DNA2: variants seen among roughly 807,000 people sequenced by gnomAD.
The protein encoded by DNA2 is DNA replication ATP-dependent helicase/nuclease DNA2.
In DNA2, 101 loss-of-function variants were observed where a neutral mutation model predicts 119.1. That is an observed-to-expected ratio of 0.85 (90% CI 0.72 to 1.00). DNA2 has a LOEUF of 1.00. Among genes scored for constraint, DNA2 ranks in the 50% least tolerant of loss-of-function variants. The pLI, the probability that DNA2 is intolerant of heterozygous loss-of-function variation, is 0.00. For missense variants in DNA2, 1,121 were observed against 1,255.5 expected (o/e 0.89, Z 1.62); for synonymous variants, 366 against 424.4 (o/e 0.86, Z 1.69).
chr10:68,415,660 TTTTTGTTTTG>T (rs988781259), intron 20 of DNA2, among the ~76,000 whole-genome samples: 42 of 152,140 alleles, frequency 2.8e-4, no homozygotes, highest in Admixed American at 1.4e-3. Context: ...TACACTGTTT[TTTTTGTTTTG>T]TTTTGTTTTG....
intron 1 of DNA2, 83 bp downstream of exon 1, chr10:68,471,708 T>G: frequency 6.8e-7 from 1 of 1,461,218 alleles, no homozygotes; most frequent in South Asian, 1.4e-5. Context: ...CCGGTCAGTC[T>G]GAGGCGGTGC....
intron 4 of DNA2, among the ~76,000 whole-genome samples, chr10:68,460,030 T>C (rs200717385): frequency 1.4e-5 from 2 of 145,598 alleles, no homozygotes; most frequent in African/African-American, 2.5e-5. Context: ...CCATCACAAA[T>C]ACACACACAC....
intron 5 of DNA2, 150 bp from the exon 6 acceptor site, chr10:68,450,397 G>A: frequency 1.5e-6 from 1 of 651,182 alleles, no homozygotes; most frequent in South Asian, 2.0e-5. Context: ...CTTGGTCCCT[G>A]GACCAGTAGC....
Position 68,469,771 on chromosome 10 carries a change from A to C in DNA2, c.257+210T>G, listed in dbSNP as rs1022229357. On this transcript the variant is annotated intron_variant, in intron 2 of 20. Transcript: ENST00000358410. The stretch of plus-strand genomic sequence containing the variant: ...TGAGCCACCATGCCTGGCCCACGTG[A>C]TTTTCAAATGACAACAAAAGTCAAT... Among the ~76,000 whole-genome samples, 7 of 152,122 alleles carry C rather than the reference A, an allele frequency of 4.6e-5. No individual in the cohort carries two copies. In the East Asian group the frequency reaches 1.4e-3, roughly 29 times the overall value.
chr10:68,442,871 C>T lies in DNA2; in HGVS notation c.1415+46G>A, dbSNP rs769472552. Reference sequence around the variant, plus strand: ...TAAATTCCAAAGGCCACCTCATTCACTAATCCAAACTACTGAAATCTTACT... The same window carrying T: ...TAAATTCCAAAGGCCACCTCATTCATTAATCCAAACTACTGAAATCTTACT... On this transcript the variant is annotated intron_variant, in intron 9 of 20. Transcript: ENST00000358410. 2.7e-6 allele frequency: 4 copies of T among 1,491,558 alleles called. No individual in the cohort carries two copies. In the Admixed American group the frequency reaches 8.8e-5, roughly 33 times the overall value. 92.4% of individuals were successfully genotyped at this position (1,491,558 alleles called of 1,614,324 possible).
intron 3 of DNA2, among the ~76,000 whole-genome samples, chr10:68,466,761 AAT>A (rs1485141884): frequency 2.0e-5 from 3 of 151,842 alleles, no homozygotes; most frequent in African/African-American, 7.3e-5. Context: ...TTGTATTTTT[AAT>A]AGAGATGGGG....
In DNA2 at chr10:68,419,108, T is replaced by A. The variant is rs765689707; in HGVS notation, c.2893A>T (p.Thr965Ser). The stretch of plus-strand genomic sequence containing the variant: ...TCCCTTCCTTGGTATTTGTCTACTG[T>A]ATTAACTTCGACCATCCCAATAGAA... The part of the protein sequence containing the change: ...ARSIGMVEVN[T>S]VDKYQGRDKS... The change falls in exon 19 of 21, where the codon ACA becomes TCA. Residue 965 changes from threonine (T) to serine (S), a missense_variant. Thr to Ser is a moderately conservative substitution (Grantham distance 58, BLOSUM62 1). Coordinates refer to ENST00000358410, the MANE Select transcript of DNA2 (RefSeq NM_001080449.3). 6.2e-7 allele frequency: 1 copy of A among 1,613,550 alleles called. No homozygotes were observed. The highest frequency in any genetic ancestry group is 2.2e-5 in the East Asian group (1 of 44,862).
intron 17 of DNA2, among the ~76,000 whole-genome samples, 162 bp downstream of exon 17, chr10:68,422,063 T>C (rs2051672477): frequency 6.6e-6 from 1 of 152,184 alleles, no homozygotes; most frequent in South Asian, 2.1e-4. Context: ...TCTGCCCGCC[T>C]TGGCCTCGCA....
At chr10:68,467,097 T>C (rs1466662305) in intron 3 of DNA2, among the ~76,000 whole-genome samples, 1 of 152,044 alleles carries the variant, frequency 6.6e-6, no homozygotes, top group Non-Finnish European at 1.5e-5. Flanking sequence ...TCTTTGTATG[T>C]TTGAAATAGC....
chr10:68,442,522 G>C (rs1418119814), intron 9 of DNA2, among the ~76,000 whole-genome samples: 1 of 152,092 alleles, frequency 6.6e-6, no homozygotes, highest in Non-Finnish European at 1.5e-5. Context: ...AAGTAGCTGG[G>C]ATTACAGGCA....
At chr10:68,432,110 T>A (rs1564882414) in intron 12 of DNA2, 96 bp downstream of exon 12, 7 of 1,116,202 alleles carry the variant, frequency 6.3e-6, no homozygotes, top group Non-Finnish European at 9.2e-6. Context: ...GGTCTAAACA[T>A]TGTAGTTGCA....
chr10:68,455,372 A>AT (rs1173891461), intron 5 of DNA2, among the ~76,000 whole-genome samples: 1 of 152,202 alleles, frequency 6.6e-6, no homozygotes, highest in African/African-American at 2.4e-5. Context: ...TCCAACCCCT[A>AT]TGTCAGTCTG....
At chr10:68,472,040 G>T (rs752974837), upstream of DNA2, 2 of 1,604,734 alleles carry the variant, frequency 1.2e-6, no homozygotes, top group African/African-American at 1.3e-5. Flanking sequence ...CGCGTTCCAC[G>T]TGGGGCCCCT....
chr10:68,441,515 C>T (rs2051968358), intron 9 of DNA2, among the ~76,000 whole-genome samples: 1 of 151,964 alleles, frequency 6.6e-6, no homozygotes, highest in Non-Finnish European at 1.5e-5. Context: ...AGGTGGCTCA[C>T]GCCTGTAATC....
rs1590042558 is a variant in DNA2, at chr10:68,414,984, G to A, written c.*55C>T. ...GTATGGTGATAGAATTTTCTGTATGGGCACTAGCTAGAGGAGATACTGCCC... is the reference window on the plus strand; with the variant it reads ...GTATGGTGATAGAATTTTCTGTATGAGCACTAGCTAGAGGAGATACTGCCC... On this transcript the variant is annotated 3_prime_UTR_variant, in exon 21 of 21. Coordinates refer to ENST00000358410, the MANE Select transcript of DNA2 (RefSeq NM_001080449.3). The A allele has an allele frequency of 1.8e-6, 2 of 1,087,358 alleles. No individual in the cohort carries two copies. Among genetic ancestry groups the A allele is most frequent in the East Asian group, 5.2e-5 (2 of 38,796 alleles). The allele number at this position is 1,087,358 out of a possible 1,614,324, so 67.4% of individuals were successfully genotyped here.
At position 68,464,560 on chromosome 10, in the gene DNA2, G is replaced by A. The variant is rs962190863; in HGVS notation, c.587+1107C>T. On this transcript the variant is annotated intron_variant, in intron 4 of 20. Coordinates refer to ENST00000358410, the MANE Select transcript of DNA2 (RefSeq NM_001080449.3). The stretch of plus-strand genomic sequence containing the variant: ...CAAAAACTGGTAAGGTAGGCCGGGC[G>A]CAGTGGCTCACGCCTGTAATCCCAG... Among the ~76,000 whole-genome samples, 8 of 150,408 alleles carry A rather than the reference G, an allele frequency of 5.3e-5. No individual in the cohort carries two copies. The East Asian group carries it at 1.4e-3, about 26-fold the overall frequency.
Position 68,469,029 on chromosome 10 carries a change from G to A in DNA2, c.258-723C>T, listed in dbSNP as rs138635373. On this transcript the variant is annotated intron_variant, in intron 2 of 20. Transcript: ENST00000358410. ...CACGCCATTGCACTCTAGCCTGGGC[G>A]ACAGAGCAAGACTCCGTCTCCAAAA... 5.5e-3 allele frequency among the ~76,000 whole-genome samples: 836 copies of A among 152,182 alleles called. 6 individuals are homozygous for A. The highest frequency in any genetic ancestry group is 0.019 in the African/African-American group (803 of 41,538).
intron 19 of DNA2, among the ~76,000 whole-genome samples, chr10:68,417,419 T>C (rs1020567819): frequency 7.6e-6 from 1 of 131,386 alleles, no homozygotes; most frequent in African/African-American, 2.9e-5. Context: ...AAAACACTAT[T>C]TGGGAGGACA....
chr10:68,418,588 C>A, intron 19 of DNA2, among the ~76,000 whole-genome samples: 1 of 151,808 alleles, frequency 6.6e-6, no homozygotes, highest in Admixed American at 6.6e-5. Flanking sequence ...CAGGTTCCCG[C>A]CCCTCACCCC....
Sources: gnomAD v4.1 joint callset for allele counts (sites outside exome capture counted in the v4.1 genomes callset) on GRCh38, gnomAD v4.1.1 for gene constraint, MANE v1.5 for transcripts, NCBI Gene and HGNC (gene_info 2026-07-23, HGNC 2026-07-21) for gene names.